TMF1: variants seen among roughly 807,000 people sequenced by gnomAD.
TMF1 encodes the protein TATA element modulatory factor 1.
A neutral mutation model predicts 126.5 loss-of-function variants in TMF1; 71 were observed. That is an observed-to-expected ratio of 0.56 (90% confidence interval 0.46 to 0.68). TMF1 has a LOEUF of 0.68. TMF1 is among the 30% of genes least tolerant of loss of function. The probability of loss-of-function intolerance (pLI) is 0.00; values close to 1 mark genes in which losing one functional copy is unlikely to be tolerated. For synonymous variants in TMF1, 461 were observed against 430.5 expected (o/e 1.07, Z -0.88); for missense variants, 1,259 against 1,253.2 (o/e 1.00, Z -0.07).
At position 69,021,846 on chromosome 3, in the gene TMF1, A is replaced by G. The variant is rs2091739997; in HGVS notation, c.*1331T>C. 6.6e-6 allele frequency: 1 copy of G among 152,048 alleles called. No individual in the cohort carries two copies. 9.4% of individuals were successfully genotyped at this position (152,048 alleles called of 1,614,324 possible). On this transcript the variant is annotated 3_prime_UTR_variant, in exon 17 of 17. Coordinates refer to ENST00000398559, the MANE Select transcript of TMF1 (RefSeq NM_007114.3). ...CAGGCGCACACCACCACGCCAGGCT[A>G]ATTTTTGTATTTTTAGTAGAGATGG...
At chr3:69,034,907 G>T in intron 9 of TMF1, 116 bp downstream of exon 9, 2 of 900,622 alleles carry the variant, frequency 2.2e-6, no homozygotes, top group South Asian at 1.6e-5. Flanking sequence ...TTCAGCAAAT[G>T]CTAGGTGTGA....
chr3:69,026,188 G>A (rs920509830), intron 13 of TMF1, 91 bp from the exon 14 acceptor site: 1 of 804,250 alleles, frequency 1.2e-6, no homozygotes, highest in Non-Finnish European at 2.0e-6. Context: ...TGAGAACAAA[G>A]ATTCAGTCTT....
intron 11 of TMF1, among the ~76,000 whole-genome samples, chr3:69,029,041 T>TG (rs2091784748): frequency 7.6e-6 from 1 of 132,042 alleles, no homozygotes; most frequent in Non-Finnish European, 1.7e-5. Flanking sequence ...TTACTTTATT[T>TG]ATTTTTTTTT....
chr3:69,038,736 T>A lies in TMF1; in HGVS notation c.1995-16A>T, dbSNP rs370563862. The A allele has an allele frequency of 6.2e-7, 1 of 1,602,782 alleles. No homozygotes were observed. The highest frequency in any genetic ancestry group is 2.2e-5 in the East Asian group (1 of 44,766). ...AGTAAGTTCTCTTAAAAAATTAGAT[T>A]GAGTTTATAAATGTTGCCAGTGATC... On this transcript the variant is annotated splice_polypyrimidine_tract_variant and intron_variant, in intron 7 of 16. Coordinates refer to ENST00000398559, the MANE Select transcript of TMF1 (RefSeq NM_007114.3).
intron 10 of TMF1, among the ~76,000 whole-genome samples, chr3:69,032,377 C>G (rs1345733751): frequency 6.6e-6 from 1 of 152,118 alleles, no homozygotes; most frequent in Non-Finnish European, 1.5e-5. Context: ...TGTCTCCTGA[C>G]TCATATTTAG....
At chr3:69,035,398 T>A in intron 8 of TMF1, 1 of 359,232 alleles carries the variant, frequency 2.8e-6, no homozygotes, top group East Asian at 5.6e-5. Context: ...GAAAAGACAG[T>A]GCGTCTATAA....
intron 5 of TMF1, among the ~76,000 whole-genome samples, chr3:69,040,133 T>C (rs1300156202): frequency 1.3e-5 from 2 of 152,088 alleles, no homozygotes; most frequent in Admixed American, 1.3e-4. Flanking sequence ...TTCCCGAACA[T>C]GGGTGGGACA....
chr3:69,039,418 T>G, intron 6 of TMF1, 133 bp downstream of exon 6: 1 of 1,037,750 alleles, frequency 9.6e-7, no homozygotes, highest in Middle Eastern at 2.2e-4. Context: ...TCTTATCATT[T>G]ATCTATTGTT....
chr3:69,040,063 T>A (rs139325211), intron 5 of TMF1, among the ~76,000 whole-genome samples: 4 of 152,226 alleles, frequency 2.6e-5, no homozygotes, highest in Admixed American at 6.5e-5. Flanking sequence ...CACCCAGATA[T>A]TTCCTACTAG....
At chr3:69,040,370 C>G (rs574882003) in intron 5 of TMF1, 1 of 152,184 alleles carries the variant, frequency 6.6e-6, no homozygotes, top group Non-Finnish European at 1.5e-5. Context: ...ATGCTGATTT[C>G]TTAGGTTTGA....
chr3:69,034,387 C>T (rs1276229458), intron 9 of TMF1, among the ~76,000 whole-genome samples: 1 of 152,038 alleles, frequency 6.6e-6, no homozygotes. Flanking sequence ...GCAGGAGAAT[C>T]GCTTGAACCC....
intron 8 of TMF1, among the ~76,000 whole-genome samples, chr3:69,036,021 C>T (rs1256310157): frequency 7.9e-6 from 1 of 126,632 alleles, no homozygotes; most frequent in African/African-American, 2.8e-5. Context: ...CCAGCAGAAA[C>T]ACAAAGGATA....
At chr3:69,028,627 T>C (rs1367045312) in intron 11 of TMF1, among the ~76,000 whole-genome samples, 3 of 152,258 alleles carry the variant, frequency 2.0e-5, no homozygotes, top group African/African-American at 7.2e-5. Flanking sequence ...TAGGGAGTTC[T>C]ATGAAAATGT....
intron 8 of TMF1, among the ~76,000 whole-genome samples, chr3:69,035,869 A>G (rs1408216104): frequency 1.3e-5 from 2 of 152,124 alleles, no homozygotes; most frequent in Non-Finnish European, 2.9e-5. Context: ...AAACACTAAC[A>G]CACAAAACTG....
chr3:69,029,922 A>G lies in TMF1; in HGVS notation c.2487T>C (p.Ser829=), dbSNP rs747112278. Residue 829 remains serine, a synonymous_variant, in exon 11 of 17, where the codon TCT becomes TCC. Coordinates refer to ENST00000398559, the MANE Select transcript of TMF1 (RefSeq NM_007114.3). ...AAAGAGAATTCTGTGACTCCATGGA[A>G]GACATCTGAATTTTGTTAGCAAGGA... ...EELLANKIQM[S]SMESQNSLLR... is the part of the protein sequence containing the mutation. 6.2e-7 allele frequency: 1 copy of G among 1,614,134 alleles called. No homozygotes were observed. Among genetic ancestry groups the G allele is most frequent in the South Asian group, 1.1e-5 (1 of 91,082 alleles).
chr3:69,043,040 A>G (rs2091876649), intron 4 of TMF1, 128 bp from the exon 5 acceptor site: 1 of 658,038 alleles, frequency 1.5e-6, no homozygotes, highest in Non-Finnish European at 2.5e-6. Context: ...AGTTTTGTTC[A>G]GTTAATCTAC....
Position 69,027,979 on chromosome 3 carries a change from C to G in TMF1, c.2678G>C (p.Ser893Thr). 1.3e-6 allele frequency: 2 copies of G among 1,568,930 alleles called. No individual in the cohort carries two copies. The highest frequency in any genetic ancestry group is 8.8e-7 in the Non-Finnish European group (1 of 1,141,570). The change falls in exon 13 of 17, where the codon AGT becomes ACT. Residue 893 changes from serine (S) to threonine (T), a missense_variant. Coordinates refer to ENST00000398559, the MANE Select transcript of TMF1 (RefSeq NM_007114.3). The stretch of plus-strand genomic sequence containing the variant: ...TTTCATTCTTTCCATTTCTAACTGA[C>G]TATTCAACAATGTCTAATAGAGAGA... ...ETRKEKTLLN[S>T]QLEMERMKVE...
chr3:69,028,207 T>G lies in TMF1; in HGVS notation c.2664+19A>C. 1 of 1,600,252 alleles carries G rather than the reference T, an allele frequency of 6.2e-7. No individual in the cohort carries two copies. The highest frequency in any genetic ancestry group is 8.6e-7 in the Non-Finnish European group (1 of 1,168,184). On this transcript the variant is annotated intron_variant, in intron 12 of 16. Transcript: ENST00000398559. ...TCTAATGTATGCCCTAAGAGCTGAG[T>G]GGTCACGAAGAGAAATACCTTTTCT... is the stretch of plus-strand genomic sequence containing the variant.
chr3:69,020,955 C>T lies in TMF1; in HGVS notation c.*2222G>A, dbSNP rs1389087066. ...AAGGGACTATTTTATAATTCCAAAA[C>T]GTCTAGTTTCAAATGCTTCAGAGAA... On this transcript the variant is annotated 3_prime_UTR_variant, in exon 17 of 17. Transcript: ENST00000398559. 1 of 152,090 alleles carries T rather than the reference C, an allele frequency of 6.6e-6. No individual in the cohort carries two copies. Among genetic ancestry groups the T allele is most frequent in the Non-Finnish European group, 1.5e-5 (1 of 68,002 alleles). The allele number at this position is 152,090 out of a possible 1,614,324, so 9.4% of individuals were successfully genotyped here. A position where few individuals can be genotyped will look rare whatever the true frequency, so the allele number is the denominator to read the frequency against.
Sources: gnomAD v4.1 joint callset for allele counts (sites outside exome capture counted in the v4.1 genomes callset) on GRCh38, gnomAD v4.1.1 for gene constraint, MANE v1.5 for transcripts, NCBI Gene and HGNC (gene_info 2026-07-23, HGNC 2026-07-21) for gene names.